The following DOCK5 variants were observed in gnomAD, a reference collection of about 807,000 sequenced individuals.
The protein encoded by DOCK5 is dedicator of cytokinesis 5.
A neutral mutation model predicts 251.8 loss-of-function variants in DOCK5; 142 were observed. The ratio of observed to expected loss-of-function variants is 0.56; its 90% CI spans 0.49 to 0.65. The LOEUF (loss-of-function observed/expected upper bound fraction) is 0.65, where lower values mean the gene tolerates loss of function less well. DOCK5 is among the 30% of genes least tolerant of loss of function. The pLI is 0.00. For synonymous variants in DOCK5, 842 were observed against 835.5 expected, an observed-to-expected ratio of 1.01 and a Z score of -0.13; for missense variants, 2,111 against 2,312.3, an observed-to-expected ratio of 0.91 and a Z score of 1.79.
At position 25,332,338 on chromosome 8, in the gene DOCK5, A is replaced by C; in HGVS notation, c.1991A>C (p.Glu664Ala). ...AAGTTAATGGAAGTGGATGGAGGAG[A>C]GATTGTTAAGGTATGTTTATATATT... ...LKKLMEVDGGEIVKFLQDTLD... is the reference protein window; with the variant it reads ...LKKLMEVDGGAIVKFLQDTLD... The change falls in exon 19 of 52, where the codon GAG (glutamate) becomes GCG (alanine). Residue 664 changes from glutamate to alanine, a missense_variant. Around this residue, in one of 3 missense-constraint regions of DOCK5, gnomAD observed 1,717 missense variants for 1,892.4 expected, o/e 0.91. Coordinates refer to ENST00000276440, the MANE Select transcript of DOCK5 (RefSeq NM_024940.8). 6.2e-7 allele frequency: 1 copy of C among 1,612,774 alleles called. No homozygotes were observed. The highest frequency in any genetic ancestry group is 8.5e-7 in the Non-Finnish European group (1 of 1,179,040).
At chr8:25,241,328 A>T (rs1215738647) in intron 1 of DOCK5, among the ~76,000 whole-genome samples, 1 of 152,100 alleles carries the variant, frequency 6.6e-6, no homozygotes. Flanking sequence ...CACAAAAAAA[A>T]TTAGCTGGGC....
rs1231392998 is a variant in DOCK5 at position 25,325,557 on chromosome 8, G to A, written c.1903+10G>A. The A allele has an allele frequency of 1.9e-6, 3 of 1,611,628 alleles. No homozygotes were observed. Among genetic ancestry groups the A allele is most frequent in the African/African-American group, 2.7e-5 (2 of 74,752 alleles). ...AAGCTCACCCAGAATGGTAGGAGTG[G>A]TGAATACACTGACACAAATAAGCTT... On this transcript the variant is annotated intron_variant, in intron 18 of 51. Transcript: ENST00000276440.
intron 30 of DOCK5, among the ~76,000 whole-genome samples, chr8:25,366,242 G>A (rs1447039886): frequency 6.6e-6 from 1 of 152,182 alleles, no homozygotes; most frequent in South Asian, 2.1e-4. Context: ...TATAGTCTCA[G>A]CACTTTGGGA....
At chr8:25,206,971 GC>G (rs1802015998) in intron 1 of DOCK5, among the ~76,000 whole-genome samples, 1 of 152,140 alleles carries the variant, frequency 6.6e-6, no homozygotes, top group South Asian at 2.1e-4. Context: ...CCCTAGAGTG[GC>G]CCCTGTTCTT....
intron 40 of DOCK5, among the ~76,000 whole-genome samples, chr8:25,384,463 A>ATTTTTTTT (rs201096966): frequency 1.5e-5 from 2 of 135,690 alleles, no homozygotes; most frequent in African/African-American, 5.3e-5. Flanking sequence ...TTATTTATTT[A>ATTTTTTTT]TTTTTTTTTT....
chr8:25,345,699 A>G, intron 26 of DOCK5, 88 bp downstream of exon 26: 2 of 1,545,548 alleles, frequency 1.3e-6, no homozygotes, highest in Non-Finnish European at 1.8e-6. Context: ...TCCTATTCTC[A>G]GGTAGTTTCC....
intron 47 of DOCK5, among the ~76,000 whole-genome samples, chr8:25,401,398 T>A (rs752661142): frequency 2.0e-5 from 3 of 152,122 alleles, no homozygotes; most frequent in African/African-American, 7.2e-5. Flanking sequence ...CCGGGTGATA[T>A]TGATGCTGCT....
intron 37 of DOCK5, 46 bp from the exon 38 acceptor site, chr8:25,377,259 T>C: frequency 1.3e-6 from 2 of 1,560,672 alleles, no homozygotes; most frequent in Non-Finnish European, 1.7e-6. Flanking sequence ...GTTGGGGGGC[T>C]GAATATTTGT....
chr8:25,331,643 AATCAGATAAAT>A (rs903443261), intron 18 of DOCK5, among the ~76,000 whole-genome samples: 3 of 152,052 alleles, frequency 2.0e-5, no homozygotes, highest in African/African-American at 7.2e-5. Context: ...TGGTTTTTCA[AATCAGATAAAT>A]ATGTAATAAA....
At chr8:25,266,364 C>T (rs1186606616) in intron 2 of DOCK5, among the ~76,000 whole-genome samples, 4 of 151,550 alleles carry the variant, frequency 2.6e-5, no homozygotes, top group Admixed American at 6.6e-5. Context: ...TACAGGCACC[C>T]GCCACCACGC....
In DOCK5 at chr8:25,392,941, G is replaced by A. The variant is rs895383640; in HGVS notation, c.4527+59G>A. On this transcript the variant is annotated intron_variant, in intron 44 of 51. Transcript: ENST00000276440. ...CTTTCTGTTTCCAAATATAATAACAGCCTTTGTTGAATTCCCTCTGCAGTT... is the reference window on the plus strand; with the variant it reads ...CTTTCTGTTTCCAAATATAATAACAACCTTTGTTGAATTCCCTCTGCAGTT... 4.9e-6 allele frequency: 7 copies of A among 1,417,472 alleles called. No individual in the cohort carries two copies. The East Asian group carries it at 1.2e-4, about 25-fold the overall frequency. The allele number at this position is 1,417,472 out of a possible 1,614,324, so 87.8% of individuals were successfully genotyped here. A position where few individuals can be genotyped will look rare whatever the true frequency, so the allele number is the denominator to read the frequency against.
chr8:25,349,508 G>A (rs1800429292), intron 26 of DOCK5, among the ~76,000 whole-genome samples: 2 of 152,198 alleles, frequency 1.3e-5, no homozygotes, highest in South Asian at 4.1e-4. Context: ...GCAAAGATAT[G>A]AAACCCATCT....
At chr8:25,194,940 G>A (rs60468667) in intron 1 of DOCK5, among the ~76,000 whole-genome samples, 21,518 of 151,452 alleles carry the variant, frequency 0.14, 2,497 homozygotes, top group African/African-American at 0.32. Context: ...TTTCTTTTGG[G>A]GACGGAGTCT....
intron 48 of DOCK5, among the ~76,000 whole-genome samples, chr8:25,405,367 C>T (rs1029425329): frequency 2.6e-5 from 4 of 151,566 alleles, no homozygotes; most frequent in African/African-American, 9.7e-5. Flanking sequence ...ATGGAGCCAA[C>T]ATTTTTATTT....
intron 1 of DOCK5, among the ~76,000 whole-genome samples, chr8:25,187,067 C>G (rs774061811): frequency 4.0e-5 from 6 of 151,124 alleles, no homozygotes; most frequent in East Asian, 2.0e-4. Context: ...CGGGCATGGT[C>G]GCCTGTGCCT....
intron 16 of DOCK5, among the ~76,000 whole-genome samples, chr8:25,322,133 G>A (rs964300818): frequency 2.6e-5 from 4 of 152,188 alleles, no homozygotes; most frequent in Admixed American, 2.0e-4. Flanking sequence ...AAAAATGCAT[G>A]TGTTGAACAC....
intron 1 of DOCK5, among the ~76,000 whole-genome samples, chr8:25,233,286 A>G (rs1391855861): frequency 6.6e-6 from 1 of 152,182 alleles, no homozygotes; most frequent in Non-Finnish European, 1.5e-5. Flanking sequence ...CATTTTGCCT[A>G]GTTTTTAATG....
intron 2 of DOCK5, among the ~76,000 whole-genome samples, chr8:25,265,237 A>C (rs1803708704): frequency 6.6e-6 from 1 of 152,010 alleles, no homozygotes; most frequent in African/African-American, 2.4e-5. Flanking sequence ...GGTGGTGTGG[A>C]CTAGGCATCA....
intron 2 of DOCK5, among the ~76,000 whole-genome samples, chr8:25,259,480 C>T (rs1361741840): frequency 1.3e-5 from 2 of 152,098 alleles, no homozygotes; most frequent in Non-Finnish European, 2.9e-5. Context: ...TTTTAAGAGG[C>T]AGTCTTGCTC....
Sources: gnomAD v4.1 joint callset for allele counts (sites outside exome capture counted in the v4.1 genomes callset) on GRCh38, gnomAD v4.1.1 for gene constraint, gnomAD v4.1.1 regional missense constraint, MANE v1.5 for transcripts, NCBI Gene and HGNC (gene_info 2026-07-23, HGNC 2026-07-21) for gene names.